Variants in LZTR1 observed in about 807,000 individuals in gnomAD.
The protein encoded by LZTR1 is leucine-zipper-like transcriptional regulator 1.
In LZTR1, 260 loss-of-function variants were observed where a neutral mutation model predicts 105.7. That is an observed-to-expected ratio of 2.46 (90% CI 2.22 to 2.72). The LOEUF is 2.72. Among genes scored for constraint, LZTR1 ranks in the 30% most tolerant of loss-of-function variants. LZTR1 has a pLI of 0.00. For missense variants in LZTR1, 1,214 were observed against 1,166.9 expected (o/e 1.04, Z -0.59); for synonymous variants, 490 against 476.4 (o/e 1.03, Z -0.37).
intron 20 of LZTR1, 79 bp downstream of exon 20, chr22:20,997,045 CTG>C: frequency 6.9e-7 from 1 of 1,451,568 alleles, no homozygotes; most frequent in Non-Finnish European, 9.6e-7. Context: ...TGCCCAGGCT[CTG>C]TGGTCCCCTG....
intron 4 of LZTR1, 148 bp from the exon 5 acceptor site, chr22:20,987,862 G>A: frequency 1.6e-6 from 1 of 641,584 alleles, no homozygotes; most frequent in South Asian, 1.9e-5. Flanking sequence ...CAGCACAGAG[G>A]CAGACAGGCA....
chr22:20,997,024 G>C, intron 20 of LZTR1, 58 bp downstream of exon 20: 1 of 1,569,144 alleles, frequency 6.4e-7, no homozygotes, highest in Non-Finnish European at 8.8e-7. Context: ...GCCATGCCCA[G>C]GCAGGGAGGG....
At chr22:20,995,091 T>G (rs1924783087) in intron 16 of LZTR1, 65 bp downstream of exon 16, 1 of 1,533,264 alleles carries the variant, frequency 6.5e-7, no homozygotes, top group Non-Finnish European at 8.8e-7. Flanking sequence ...GGTAGGAGAT[T>G]GGGAGCCATG....
rs778771764 is a variant in LZTR1, at chr22:20,988,129, T to C, written c.509+11T>C. The C allele has an allele frequency of 7.0e-6, 11 of 1,568,838 alleles. No homozygotes were observed. The highest frequency in any genetic ancestry group is 1.7e-4 in the Middle Eastern group (1 of 5,994). On this transcript the variant is annotated intron_variant, in intron 5 of 20. Transcript: ENST00000646124. ...GAAAATTGAAGGACGGTGAGAAACT[T>C]TGCAGAAACATTTGGGACAGGCTGG...
In LZTR1 at chr22:20,983,090, G is replaced by A. The variant is rs761241914; in HGVS notation, c.263+1G>A. The A allele has an allele frequency of 3.7e-6, 6 of 1,612,988 alleles. No individual in the cohort carries two copies. The Admixed American group carries it at 6.7e-5, about 18-fold the overall frequency. On this transcript the variant is annotated splice_donor_variant, in intron 2 of 20. Coordinates refer to ENST00000646124, the MANE Select transcript of LZTR1 (RefSeq NM_006767.4). LOFTEE classifies it high-confidence loss of function. ...TTTATGTATTTGGTGGAGACAATGG[G>A]TGAGTGAGTCTCAGCATCAGTGTTT...
chr22:20,985,919 GGCCCT>G, intron 3 of LZTR1, 22 bp downstream of exon 3: 1 of 1,613,394 alleles, frequency 6.2e-7, no homozygotes, highest in African/African-American at 1.3e-5. Flanking sequence ...CGTGCTCCAG[GGCCCT>G]GCCTTTCCTC....
At chr22:20,992,544 G>A (rs1924644038) in intron 10 of LZTR1, 175 bp downstream of exon 10, 1 of 781,372 alleles carries the variant, frequency 1.3e-6, no homozygotes, top group African/African-American at 1.7e-5. Flanking sequence ...AGCTTTCTGG[G>A]GTGGGTGCCA....
chr22:20,990,739 A>G, intron 8 of LZTR1: 1 of 547,920 alleles, frequency 1.8e-6, no homozygotes, highest in Non-Finnish European at 3.2e-6. Flanking sequence ...CCTGGCGAGG[A>G]GGCCCCTGGC....
rs759036618 is a variant in LZTR1, at chr22:20,997,298, G to A, written c.2473G>A (p.Ala825Thr). 25 of 1,613,684 alleles carry A rather than the reference G, an allele frequency of 1.5e-5. No individual in the cohort carries two copies. The highest frequency in any genetic ancestry group is 2.1e-5 in the Non-Finnish European group (25 of 1,180,010). Residue 825 changes from alanine (A) to threonine (T), a missense_variant, in exon 21 of 21, where the codon GCC becomes ACC. By Grantham distance (58) the Ala-to-Thr change is moderately conservative. Coordinates refer to ENST00000646124, the MANE Select transcript of LZTR1 (RefSeq NM_006767.4). ...QLLLDIIDSL[A>T]SHISDKQCAE... is the part of the protein sequence containing the mutation. ...GCTGCTGGACATCATAGACTCCCTG[G>A]CCTCCCACATCTCAGACAAGCAGTG...
rs751231688 is a variant in LZTR1, at chr22:20,995,038, C to G, written c.1942+12C>G. The G allele has an allele frequency of 1.3e-6, 2 of 1,599,090 alleles. No individual in the cohort carries two copies. The highest frequency in any genetic ancestry group is 1.3e-5 in the African/African-American group (1 of 74,644). On this transcript the variant is annotated intron_variant, in intron 16 of 20. Transcript: ENST00000646124. ...GCCAGTGGACATTGGTAGGGAGCCCCGTTCCCCTTCCCTGGGGGCTGGGAG... is the reference window on the plus strand; with the variant it reads ...GCCAGTGGACATTGGTAGGGAGCCCGGTTCCCCTTCCCTGGGGGCTGGGAG...
chr22:20,992,206 CTCT>C lies in LZTR1; in HGVS notation c.994-5_994-3del. ...CTGGTCTCATGCCCATGTGTCTCCC[CTCT>C]TCAGGTTGGTGGGGCTGAAGTGCCC... On this transcript the variant is annotated splice_region_variant and splice_polypyrimidine_tract_variant and intron_variant, in intron 9 of 20. Transcript: ENST00000646124. The C allele has an allele frequency of 6.2e-7, 1 of 1,612,390 alleles. No individual in the cohort carries two copies. Among genetic ancestry groups the C allele is most frequent in the Non-Finnish European group, 8.5e-7 (1 of 1,179,184 alleles).
In LZTR1 at chr22:20,993,946, A is replaced by T; in HGVS notation, c.1376A>T (p.His459Leu). Residue 459 changes from histidine to leucine, a missense_variant, in exon 13 of 21, where the codon CAC becomes CTC. Transcript: ENST00000646124. Reference protein sequence around the residue: ...LGEKEECVQGHVAIVTARSRW... With the variant: ...LGEKEECVQGLVAIVTARSRW... ...CAGAAGGAGGAGTGCGTGCAGGGCC[A>T]CGTAGCCATTGTCACAGCGCGGAGC... 6.2e-7 allele frequency: 1 copy of T among 1,612,596 alleles called. No individual in the cohort carries two copies. The highest frequency in any genetic ancestry group is 8.5e-7 in the Non-Finnish European group (1 of 1,179,910).
chr22:20,996,487 A>G (rs988398434), intron 18 of LZTR1: 2 of 595,340 alleles, frequency 3.4e-6, no homozygotes, highest in African/African-American at 3.7e-5. Context: ...ACAGCGCTAC[A>G]GATGTACAGA....
Position 20,996,692 on chromosome 22 carries a change from C to T in LZTR1, c.2220-4C>T. 6.2e-7 allele frequency: 1 copy of T among 1,613,086 alleles called. No homozygotes were observed. The highest frequency in any genetic ancestry group is 8.5e-7 in the Non-Finnish European group (1 of 1,179,538). On this transcript the variant is annotated splice_region_variant and splice_polypyrimidine_tract_variant and intron_variant, in intron 18 of 20. Coordinates refer to ENST00000646124, the MANE Select transcript of LZTR1 (RefSeq NM_006767.4). ...CTTTAGTCAGCTCCTTAACCAGGCC[C>T]CAGCTACTTGTTTGCGGCCCCCTAC...
At chr22:20,988,469 C>G (rs1001462523) in intron 5 of LZTR1, among the ~76,000 whole-genome samples, 6 of 152,110 alleles carry the variant, frequency 3.9e-5, no homozygotes, top group African/African-American at 1.4e-4. Context: ...GACCTTGTCA[C>G]AAAAAAATGT....
intron 16 of LZTR1, chr22:20,995,326 G>A (rs781067226): frequency 1.6e-6 from 1 of 643,152 alleles, no homozygotes; most frequent in Non-Finnish European, 3.0e-6. Flanking sequence ...CCAGGGTCAC[G>A]GTGATCAGTC....
At position 20,988,874 on chromosome 22, in the gene LZTR1, T is replaced by G. The variant is rs1601717829; in HGVS notation, c.593+2T>G. 1 of 1,613,444 alleles carries G rather than the reference T, an allele frequency of 6.2e-7. No homozygotes were observed. Among genetic ancestry groups the G allele is most frequent in the Non-Finnish European group, 8.5e-7 (1 of 1,179,812 alleles). ...TGCTGGCTATGACGGCAACGCCAGG[T>G]GGGTGGTGGTCCGGCCTGTGCACCC... On this transcript the variant is annotated splice_donor_variant, in intron 6 of 20. Coordinates refer to ENST00000646124, the MANE Select transcript of LZTR1 (RefSeq NM_006767.4). LOFTEE classifies it high-confidence loss of function.
chr22:20,988,985 T>A lies in LZTR1; in HGVS notation c.593+113T>A, dbSNP rs1924502436. On this transcript the variant is annotated intron_variant, in intron 6 of 20. Coordinates refer to ENST00000646124, the MANE Select transcript of LZTR1 (RefSeq NM_006767.4). ...GAGGATTTTGAGTGCCTGGTGGATT[T>A]TGAGTGCCACTCTGTCTGGGGGTTT... 28 of 905,152 alleles carry A rather than the reference T, an allele frequency of 3.1e-5. No homozygotes were observed. In the South Asian group the frequency reaches 3.8e-4, roughly 12 times the overall value. 56.1% of individuals were successfully genotyped at this position (905,152 alleles called of 1,614,324 possible).
chr22:20,993,046 T>TGTGGGCTGAGG (rs1384576211), intron 11 of LZTR1, 142 bp downstream of exon 11: 2 of 642,862 alleles, frequency 3.1e-6, no homozygotes, highest in South Asian at 3.9e-5. Context: ...GGAGGAGCCC[T>TGTGGGCTGAGG]GTGGGCTGAG....
Sources: allele counts gnomAD v4.1 joint callset (sites outside exome capture counted in the v4.1 genomes callset), GRCh38; gene constraint gnomAD v4.1.1; transcripts MANE v1.5; gene names NCBI Gene and HGNC (gene_info 2026-07-23, HGNC 2026-07-21).